FCHSD2: variants seen among roughly 807,000 people sequenced by gnomAD.
FCHSD2 encodes FCH and double SH3 domains 2.
In FCHSD2, 38 loss-of-function variants were observed where a neutral mutation model predicts 108.1. That is an observed-to-expected ratio of 0.35 (90% CI 0.27 to 0.46). The LOEUF is 0.46. FCHSD2 is among the 20% of genes least tolerant of loss of function. FCHSD2 has a pLI of 1.00. For missense variants in FCHSD2, 751 were observed against 897.8 expected, an observed-to-expected ratio of 0.84 and a Z score of 2.09; for synonymous variants, 279 against 314.7, an observed-to-expected ratio of 0.89 and a Z score of 1.20.
intron 2 of FCHSD2, among the ~76,000 whole-genome samples, chr11:73,130,828 G>A (rs1860979516): frequency 6.6e-6 from 1 of 152,134 alleles, no homozygotes; most frequent in Non-Finnish European, 1.5e-5. Context: ...ATTCGAAGTT[G>A]CATGTTACCT....
intron 8 of FCHSD2, among the ~76,000 whole-genome samples, chr11:72,928,554 C>T (rs983508893): frequency 6.6e-5 from 10 of 152,142 alleles, no homozygotes; most frequent in African/African-American, 1.2e-4. Context: ...CATTTACTAA[C>T]GGCTTACTGA....
At chr11:73,120,831 C>CAA (rs753347324) in intron 2 of FCHSD2, among the ~76,000 whole-genome samples, 2 of 123,880 alleles carry the variant, frequency 1.6e-5, no homozygotes, top group Non-Finnish European at 3.5e-5. Flanking sequence ...GAAGATATAC[C>CAA]AAAAAAAAAA....
intron 3 of FCHSD2, among the ~76,000 whole-genome samples, chr11:73,069,722 T>A (rs1027711429): frequency 2.0e-5 from 3 of 152,132 alleles, no homozygotes; most frequent in African/African-American, 7.2e-5. Context: ...ACAAATAATG[T>A]TGAAGAAGCA....
intron 8 of FCHSD2, among the ~76,000 whole-genome samples, chr11:72,944,349 A>G (rs1856478827): frequency 2.0e-5 from 3 of 152,148 alleles, no homozygotes; most frequent in South Asian, 2.1e-4. Context: ...AAATTCAACA[A>G]CGCTTCATTC....
chr11:73,073,848 T>C (rs1859487856), intron 3 of FCHSD2, among the ~76,000 whole-genome samples: 1 of 152,170 alleles, frequency 6.6e-6, no homozygotes, highest in African/African-American at 2.4e-5. Flanking sequence ...TTTTTCTTTT[T>C]TGAGCATTGC....
At chr11:72,908,171 T>A (rs988586915) in intron 9 of FCHSD2, among the ~76,000 whole-genome samples, 1 of 152,250 alleles carries the variant, frequency 6.6e-6, no homozygotes, top group African/African-American at 2.4e-5. Flanking sequence ...CTTAACATAA[T>A]GACCTCCAGT....
At chr11:72,975,994 T>C (rs780427172) in intron 8 of FCHSD2, among the ~76,000 whole-genome samples, 7 of 152,254 alleles carry the variant, frequency 4.6e-5, no homozygotes, top group African/African-American at 7.2e-5. Context: ...AGTTCATATA[T>C]TGCACAAGAA....
chr11:73,037,555 C>A (rs543122281), intron 3 of FCHSD2, among the ~76,000 whole-genome samples: 34 of 152,278 alleles, frequency 2.2e-4, no homozygotes, highest in African/African-American at 7.7e-4. Flanking sequence ...GTATAGAATG[C>A]ATTCTTTCTC....
At chr11:72,948,753 T>C (rs1231192923) in intron 8 of FCHSD2, among the ~76,000 whole-genome samples, 1 of 151,452 alleles carries the variant, frequency 6.6e-6, no homozygotes, top group Non-Finnish European at 1.5e-5. Context: ...GCAAGCTCCA[T>C]CTCCCAGGTT....
chr11:72,870,975 C>T (rs1346753227), intron 12 of FCHSD2, among the ~76,000 whole-genome samples: 1 of 148,062 alleles, frequency 6.8e-6, no homozygotes, highest in African/African-American at 2.5e-5. Context: ...TGTTGACTAA[C>T]AGTAATGTCT....
intron 3 of FCHSD2, among the ~76,000 whole-genome samples, chr11:73,035,651 T>A (rs1278202084): frequency 6.6e-6 from 1 of 152,124 alleles, no homozygotes; most frequent in Non-Finnish European, 1.5e-5. Flanking sequence ...TTCTACAATA[T>A]GCCAAATGCT....
At chr11:72,871,804 C>T (rs1854865100) in intron 12 of FCHSD2, among the ~76,000 whole-genome samples, 1 of 147,002 alleles carries the variant, frequency 6.8e-6, no homozygotes, top group Non-Finnish European at 1.5e-5. Context: ...TTTGCCCAGG[C>T]TGCTCTTGAA....
chr11:73,101,388 G>T (rs1220558879), intron 2 of FCHSD2, among the ~76,000 whole-genome samples: 1 of 152,116 alleles, frequency 6.6e-6, no homozygotes, highest in Non-Finnish European at 1.5e-5. Context: ...TCTGTACTGA[G>T]GTGGGAACTA....
intron 8 of FCHSD2, among the ~76,000 whole-genome samples, chr11:72,983,223 G>A (rs1363591228): frequency 6.6e-6 from 1 of 151,258 alleles, no homozygotes; most frequent in Non-Finnish European, 1.5e-5. Context: ...GAACCCGGGA[G>A]GCGGAGCTTG....
intron 2 of FCHSD2, among the ~76,000 whole-genome samples, chr11:73,097,165 G>A (rs1054421528): frequency 5.3e-5 from 8 of 150,566 alleles, no homozygotes; most frequent in African/African-American, 2.0e-4. Context: ...ACCAGGCCTG[G>A]CTGATTTTTG....
At chr11:73,079,403 T>C (rs1257583609) in intron 3 of FCHSD2, among the ~76,000 whole-genome samples, 1 of 152,052 alleles carries the variant, frequency 6.6e-6, no homozygotes, top group African/African-American at 2.4e-5. Context: ...TTTCACCATG[T>C]TGGTCAGGCT....
At chr11:73,033,974 G>A (rs952213700) in intron 3 of FCHSD2, among the ~76,000 whole-genome samples, 5 of 151,996 alleles carry the variant, frequency 3.3e-5, no homozygotes, top group Admixed American at 2.0e-4. Flanking sequence ...ATGTTATTAC[G>A]AATAGAAATC....
At chr11:72,900,132 T>G (rs1293087799) in intron 10 of FCHSD2, 1 of 562,102 alleles carries the variant, frequency 1.8e-6, no homozygotes, top group Non-Finnish European at 3.1e-6. Context: ...AAAACACAGC[T>G]GGTGCATCAG....
rs181961231 is a variant in FCHSD2 at position 72,838,819 on chromosome 11, A to G, written c.2195T>C (p.Ile732Thr). 1.7e-5 allele frequency: 28 copies of G among 1,607,132 alleles called. No homozygotes were observed. The Admixed American group carries it at 2.2e-4, about 13-fold the overall frequency. Reference sequence around the variant, plus strand: ...CACCAGTGTGATTTCCACATCTTCAATCTTCTCTGCTGGCCTTCGGTGATT... The same window carrying G: ...CACCAGTGTGATTTCCACATCTTCAGTCTTCTCTGCTGGCCTTCGGTGATT... ...TQNHRRPAEK[I>T]EDVEITLV is the part of the protein sequence containing the mutation. The change falls in exon 20 of 20, where the codon ATT becomes ACT. Residue 732 changes from isoleucine to threonine, a missense_variant. Transcript: ENST00000409418.
Sources: gnomAD v4.1 joint callset for allele counts (sites outside exome capture counted in the v4.1 genomes callset) on GRCh38, gnomAD v4.1.1 for gene constraint, MANE v1.5 for transcripts, NCBI Gene and HGNC (gene_info 2026-07-23, HGNC 2026-07-21) for gene names.